Variants in UNC13C observed in about 807,000 individuals in gnomAD.
UNC13C encodes unc-13 homolog C, also known as protein unc-13 homolog C.
A neutral mutation model predicts 245.4 loss-of-function variants in UNC13C; 174 were observed. The observed-to-expected ratio is 0.71, with a 90% CI of 0.63 to 0.80. The LOEUF (loss-of-function observed/expected upper bound fraction) is 0.80, where lower values mean the gene tolerates loss of function less well. UNC13C is among the 30% of genes least tolerant of loss of function. The probability of loss-of-function intolerance (pLI) is 0.00; values close to 1 mark genes in which losing one functional copy is unlikely to be tolerated. For synonymous variants in UNC13C, 992 were observed against 895.1 expected (o/e 1.11, Z -1.93); for missense variants, 2,829 against 2,602.9 (o/e 1.09, Z -1.89).
the UNC13C span, among the ~76,000 whole-genome samples, chr15:53,923,917 A>C: frequency 6.6e-6 from 1 of 152,236 alleles, no homozygotes; most frequent in African/African-American, 2.4e-5. Context: ...TTCAAGAGAG[A>C]CAGCACGGGC....
chr15:54,076,018 C>G (rs1321171098), intron 2 of UNC13C, among the ~76,000 whole-genome samples: 1 of 145,754 alleles, frequency 6.9e-6, no homozygotes. Flanking sequence ...AGAATAGGGT[C>G]TTCTAGAGTT....
At chr15:54,129,420 C>T (rs2031269433) in intron 2 of UNC13C, among the ~76,000 whole-genome samples, 1 of 152,164 alleles carries the variant, frequency 6.6e-6, no homozygotes, top group South Asian at 2.1e-4. Context: ...TTTCTGTATC[C>T]TACTTCTATA....
At chr15:54,275,712 G>A (rs534579926) in intron 10 of UNC13C, among the ~76,000 whole-genome samples, 1 of 152,246 alleles carries the variant, frequency 6.6e-6, no homozygotes, top group South Asian at 2.1e-4. Flanking sequence ...CTGGAATTCT[G>A]TTGTTGGTGG....
chr15:54,046,118 C>G (rs1897025310), intron 2 of UNC13C, among the ~76,000 whole-genome samples: 1 of 152,096 alleles, frequency 6.6e-6, no homozygotes, highest in African/African-American at 2.4e-5. Context: ...TTGTCATTGT[C>G]TTTATTGCTA....
At chr15:54,097,627 C>T (rs910786758) in intron 2 of UNC13C, among the ~76,000 whole-genome samples, 1 of 152,120 alleles carries the variant, frequency 6.6e-6, no homozygotes, top group Admixed American at 6.5e-5. Flanking sequence ...ATCTTTGTAG[C>T]AACTTCTAGG....
At position 54,185,412 on chromosome 15, in the gene UNC13C, T is replaced by C. The variant is rs540304339; in HGVS notation, c.3071+41728T>C. The stretch of plus-strand genomic sequence containing the variant: ...GGTTTTTATGGTTTTAGGTCTAACA[T>C]TTAAGTCTTTAATCCATCTTGAATT... On this transcript the variant is annotated intron_variant, in intron 4 of 32. Coordinates refer to ENST00000260323, the MANE Select transcript of UNC13C (RefSeq NM_001080534.3). Among the ~76,000 whole-genome samples, 265 of 150,556 alleles carry C rather than the reference T, an allele frequency of 1.8e-3. 2 individuals are homozygous for C. The highest frequency in any genetic ancestry group is 2.9e-3 in the Non-Finnish European group (198 of 67,938).
At chr15:54,271,031 C>T (rs866562254) in intron 10 of UNC13C, among the ~76,000 whole-genome samples, 1 of 152,138 alleles carries the variant, frequency 6.6e-6, no homozygotes, top group South Asian at 2.1e-4. Flanking sequence ...TTAATGCCCT[C>T]TAGAGATTTT....
chr15:54,301,315 T>C (rs1386596312), intron 13 of UNC13C, among the ~76,000 whole-genome samples: 1 of 150,074 alleles, frequency 6.7e-6, no homozygotes, highest in Non-Finnish European at 1.5e-5. Context: ...TGAATGTAAG[T>C]TCTGGGGTAC....
chr15:54,518,559 C>T (rs961421588), intron 24 of UNC13C, among the ~76,000 whole-genome samples: 4 of 152,180 alleles, frequency 2.6e-5, no homozygotes, highest in Non-Finnish European at 5.9e-5. Context: ...GTTGCTCATG[C>T]CTGCTTTAAC....
intron 19 of UNC13C, among the ~76,000 whole-genome samples, chr15:54,488,718 T>C (rs1039100677): frequency 2.6e-5 from 4 of 152,178 alleles, no homozygotes; most frequent in African/African-American, 9.6e-5. Flanking sequence ...GCCTTTTCCT[T>C]GTACAGTTTT....
chr15:54,390,993 G>A (rs1280914217), intron 17 of UNC13C, among the ~76,000 whole-genome samples: 2 of 152,042 alleles, frequency 1.3e-5, no homozygotes, highest in Non-Finnish European at 2.9e-5. Flanking sequence ...GTGAAAAATA[G>A]CATCATCAGT....
At chr15:54,425,449 A>G (rs776922251) in intron 19 of UNC13C, among the ~76,000 whole-genome samples, 7 of 151,886 alleles carry the variant, frequency 4.6e-5, no homozygotes, top group African/African-American at 1.7e-4. Context: ...TTTTCATGCT[A>G]TGCTCCACAT....
chr15:54,083,402 G>A (rs1441984380), intron 2 of UNC13C, among the ~76,000 whole-genome samples: 1 of 152,148 alleles, frequency 6.6e-6, no homozygotes, highest in African/African-American at 2.4e-5. Flanking sequence ...TCCGTTGTCA[G>A]GGTGCTGCTG....
intron 22 of UNC13C, among the ~76,000 whole-genome samples, chr15:54,503,250 G>T (rs2141103301): frequency 6.6e-6 from 1 of 152,056 alleles, no homozygotes; most frequent in African/African-American, 2.4e-5. Flanking sequence ...AGAAATTAGT[G>T]ATTTTCATTG....
At chr15:54,365,268 A>T (rs1325371859) in intron 17 of UNC13C, among the ~76,000 whole-genome samples, 1 of 152,000 alleles carries the variant, frequency 6.6e-6, no homozygotes, top group Non-Finnish European at 1.5e-5. Context: ...TTGGAGGCTA[A>T]GTATTTTGTA....
intron 30 of UNC13C, among the ~76,000 whole-genome samples, chr15:54,601,771 G>C (rs1899441391): frequency 6.6e-6 from 1 of 152,152 alleles, no homozygotes; most frequent in Non-Finnish European, 1.5e-5. Context: ...GAAGAAAGAA[G>C]TAAAATCATC....
At chr15:54,385,717 TATC>T (rs1341754621) in intron 17 of UNC13C, among the ~76,000 whole-genome samples, 3 of 151,984 alleles carry the variant, frequency 2.0e-5, no homozygotes, top group Non-Finnish European at 4.4e-5. Context: ...CTTGAAATGA[TATC>T]AACAAATAAA....
chr15:54,029,116 T>G (rs191102686), intron 2 of UNC13C, among the ~76,000 whole-genome samples: 1 of 152,334 alleles, frequency 6.6e-6, no homozygotes, highest in Non-Finnish European at 1.5e-5. Flanking sequence ...TTGATTGTGA[T>G]TATTTTTGGG....
chr15:54,309,120 C>T lies in UNC13C; in HGVS notation c.4268+8747C>T, dbSNP rs554512323. On this transcript the variant is annotated intron_variant, in intron 13 of 32. Transcript: ENST00000260323. ...TTGCTGTAATAATTTACATTACCAT[C>T]AACAGTGTACGAGATTCTGTTTGCT... is the stretch of plus-strand genomic sequence containing the variant. Among the ~76,000 whole-genome samples the T allele has an allele frequency of 3.1e-4, 47 of 151,918 alleles. 1 individual carries two copies. Among genetic ancestry groups the T allele is most frequent in the African/African-American group, 1.1e-3 (46 of 41,498 alleles).
Sources: gnomAD v4.1 joint callset for allele counts (sites outside exome capture counted in the v4.1 genomes callset) on GRCh38, gnomAD v4.1.1 for gene constraint, MANE v1.5 for transcripts, NCBI Gene and HGNC (gene_info 2026-07-23, HGNC 2026-07-21) for gene names.